ASRGL1: variants seen among roughly 807,000 people sequenced by gnomAD.
ASRGL1 encodes the protein asparaginase and isoaspartyl peptidase 1, also known as isoaspartyl peptidase/L-asparaginase.
Under a neutral mutation model 22.4 loss-of-function variants are expected in ASRGL1, and 16 were observed. The observed-to-expected ratio is 0.71, with a 90% CI of 0.48 to 1.08. The LOEUF (loss-of-function observed/expected upper bound fraction) is 1.08, where lower values mean the gene tolerates loss of function less well. ASRGL1 is among the 50% of genes least tolerant of loss of function. The pLI, the probability that ASRGL1 is intolerant of heterozygous loss-of-function variation, is 0.00. For synonymous variants in ASRGL1, 165 were observed against 159.3 expected (o/e 1.04, Z -0.27); for missense variants, 412 against 410.1 (o/e 1.00, Z -0.04).
At chr11:62,371,091 C>T (rs1208570818) in intron 4 of ASRGL1, 3 of 661,924 alleles carry the variant, frequency 4.5e-6, no homozygotes, top group Non-Finnish European at 6.8e-6. Flanking sequence ...GCTTCTCTTC[C>T]TTTTTTCTCT....
intron 6 of ASRGL1, 84 bp downstream of exon 6, chr11:62,391,716 T>C: frequency 1.9e-4 from 229 of 1,221,922 alleles, no homozygotes; most frequent in Non-Finnish European, 2.3e-4. Context: ...TGGAGAAGTG[T>C]AGGAAACCCT....
chr11:62,394,150 T>TATATATAATAAAATATATAAC (rs1947400561), downstream of ASRGL1, among the ~76,000 whole-genome samples: 1 of 83,986 alleles, frequency 1.2e-5, no homozygotes, highest in Non-Finnish European at 2.8e-5. Context: ...ATATAACATT[T>TATATATAATAAAATATATAAC]ATATAATACA....
intron 2 of ASRGL1, among the ~76,000 whole-genome samples, chr11:62,348,706 GAA>G (rs145352663): frequency 1.4e-5 from 2 of 145,610 alleles, no homozygotes; most frequent in Non-Finnish European, 3.0e-5. Flanking sequence ...CCTCCTCAAA[GAA>G]AAAAAAAAAG....
chr11:62,346,385 C>T (rs1272016858), intron 2 of ASRGL1, among the ~76,000 whole-genome samples: 2 of 152,132 alleles, frequency 1.3e-5, no homozygotes, highest in African/African-American at 2.4e-5. Flanking sequence ...CCTCCTGGCA[C>T]CTTCACATAC....
At chr11:62,391,915 C>T (rs558722859) in intron 6 of ASRGL1, 164 bp from the exon 7 acceptor site, 18 of 831,324 alleles carry the variant, frequency 2.2e-5, no homozygotes, top group African/African-American at 1.5e-4. Flanking sequence ...GATGCTAGGG[C>T]GCTGTCTCAG....
intron 4 of ASRGL1, among the ~76,000 whole-genome samples, chr11:62,363,330 CAA>C (rs1303261311): frequency 6.6e-6 from 1 of 151,816 alleles, no homozygotes; most frequent in African/African-American, 2.4e-5. Context: ...GAAATTGAAA[CAA>C]GGGAACAAAA....
chr11:62,382,260 A>T (rs984021875), intron 4 of ASRGL1: 2 of 151,734 alleles, frequency 1.3e-5, no homozygotes, highest in African/African-American at 4.9e-5. Context: ...CAGCATACGG[A>T]GGACCCCCAC....
chr11:62,395,241 A>G (rs534432031), downstream of ASRGL1, among the ~76,000 whole-genome samples: 1 of 152,354 alleles, frequency 6.6e-6, no homozygotes, highest in Non-Finnish European at 1.5e-5. Flanking sequence ...GGGCGCTGCC[A>G]GATGCCGGAT....
chr11:62,369,470 CAA>C (rs1337308849), intron 4 of ASRGL1, among the ~76,000 whole-genome samples: 4 of 152,090 alleles, frequency 2.6e-5, no homozygotes, highest in Admixed American at 1.3e-4. Context: ...TTCTTTTTGA[CAA>C]AACTGCCATC....
chr11:62,394,168 T>C (rs1284883861), downstream of ASRGL1, among the ~76,000 whole-genome samples: 3 of 135,342 alleles, frequency 2.2e-5, no homozygotes, highest in Non-Finnish European at 4.7e-5. Flanking sequence ...ACATATATAT[T>C]ATATATCATA....
intron 4 of ASRGL1, among the ~76,000 whole-genome samples, chr11:62,378,394 G>C (rs1056897189): frequency 1.3e-5 from 2 of 152,132 alleles, no homozygotes; most frequent in African/African-American, 2.4e-5. Flanking sequence ...GTCTCTAACT[G>C]GTTGAAGAGC....
chr11:62,390,476 C>T (rs1045136799), intron 5 of ASRGL1, among the ~76,000 whole-genome samples: 2 of 152,258 alleles, frequency 1.3e-5, no homozygotes, highest in South Asian at 2.1e-4. Flanking sequence ...TTCACACGCC[C>T]GATGCCTGTG....
intron 3 of ASRGL1, 64 bp from the exon 4 acceptor site, chr11:62,356,923 G>T (rs1946311098): frequency 1.6e-5 from 25 of 1,516,566 alleles, no homozygotes; most frequent in Non-Finnish European, 2.1e-5. Flanking sequence ...AACACAGTTG[G>T]AACAGTTAAA....
At chr11:62,354,893 G>A (rs1946242238) in intron 2 of ASRGL1, among the ~76,000 whole-genome samples, 1 of 152,068 alleles carries the variant, frequency 6.6e-6, no homozygotes, top group Non-Finnish European at 1.5e-5. Context: ...AGGTTAGGAA[G>A]GGCTTTGTAC....
At chr11:62,383,882 C>A (rs572754351) in intron 4 of ASRGL1, among the ~76,000 whole-genome samples, 101 of 147,584 alleles carry the variant, frequency 6.8e-4, no homozygotes, top group African/African-American at 2.5e-3. Flanking sequence ...CCACTGCACT[C>A]CAGCCTGGGC....
At chr11:62,379,842 T>C (rs1947019729) in intron 4 of ASRGL1, among the ~76,000 whole-genome samples, 1 of 152,172 alleles carries the variant, frequency 6.6e-6, no homozygotes. Flanking sequence ...TGCCCCAGTT[T>C]GTTGCAGGGC....
intron 4 of ASRGL1, among the ~76,000 whole-genome samples, chr11:62,378,873 A>G (rs1946995154): frequency 6.6e-6 from 1 of 152,140 alleles, no homozygotes; most frequent in African/African-American, 2.4e-5. Flanking sequence ...GAGGCTCTAC[A>G]GTGGCCACCC....
In ASRGL1 at chr11:62,364,996, G is replaced by C. The variant is rs573781139; in HGVS notation, c.491+7852G>C. ...AGGCAGTGGAATCGCTTGAACCTAG[G>C]AGGCAGAGGTTGCAGTGAGCCGAGA... is the stretch of plus-strand genomic sequence containing the variant. On this transcript the variant is annotated intron_variant, in intron 4 of 6. Transcript: ENST00000415229. 1.6e-4 allele frequency among the ~76,000 whole-genome samples: 25 copies of C among 151,574 alleles called. 1 individual carries two copies. The highest frequency in any genetic ancestry group is 1.3e-3 in the South Asian group (6 of 4,794).
intron 4 of ASRGL1, among the ~76,000 whole-genome samples, chr11:62,375,428 T>C (rs867750210): frequency 2.9e-5 from 2 of 69,016 alleles, no homozygotes; most frequent in Non-Finnish European, 3.1e-5. Context: ...TTGTCTTACT[T>C]TATATATATA....
Sources: allele counts gnomAD v4.1 joint callset (sites outside exome capture counted in the v4.1 genomes callset), GRCh38; gene constraint gnomAD v4.1.1; transcripts MANE v1.5; gene names NCBI Gene and HGNC (gene_info 2026-07-23, HGNC 2026-07-21).